The following RINT1 variants were observed in gnomAD, a reference collection of about 807,000 sequenced individuals.
RINT1 encodes RAD50-interacting protein 1.
A neutral mutation model predicts 97.7 loss-of-function variants in RINT1; 75 were observed. The observed-to-expected ratio is 0.77, with a 90% CI of 0.64 to 0.93. The LOEUF is 0.93. RINT1 is among the 40% of genes least tolerant of loss of function. RINT1 has a pLI of 0.00. For missense variants in RINT1, 892 were observed against 925.2 expected, an observed-to-expected ratio of 0.96 and a Z score of 0.47; for synonymous variants, 303 against 326.3, an observed-to-expected ratio of 0.93 and a Z score of 0.77.
intron 3 of RINT1, among the ~76,000 whole-genome samples, chr7:105,539,417 A>G (rs1790372210): frequency 6.9e-6 from 1 of 144,784 alleles, no homozygotes; most frequent in Admixed American, 7.1e-5. Flanking sequence ...CTGGAGTGCA[A>G]TGGCACAATC....
intron 11 of RINT1, among the ~76,000 whole-genome samples, chr7:105,562,514 C>T (rs2133456209): frequency 6.6e-6 from 1 of 152,256 alleles, no homozygotes; most frequent in African/African-American, 2.4e-5. Flanking sequence ...CCATGCCTAG[C>T]CTTTCAAACT....
intron 11 of RINT1, 169 bp downstream of exon 11, chr7:105,555,396 C>T (rs1791137577): frequency 1.7e-5 from 9 of 529,172 alleles, no homozygotes; most frequent in Non-Finnish European, 2.9e-5. Context: ...AATCAAATCT[C>T]AAGTAGTTAA....
At position 105,563,924 on chromosome 7, in the gene RINT1, T is replaced by C. The variant is rs759484807; in HGVS notation, c.1863T>C (p.Ala621=). ...ACGTTTTTAGAGAAGTTAAAGATGC[T>C]GCAAAATTGTATAAAAAAGAAAGGT... ...VDHVFREVKD[A]AKLYKKERWL... is the part of the protein sequence containing the mutation. Residue 621 remains alanine (A), a synonymous_variant, in exon 12 of 15, where the codon GCT becomes GCC. Coordinates refer to ENST00000257700, the MANE Select transcript of RINT1 (RefSeq NM_021930.6). 30 of 1,613,862 alleles carry C rather than the reference T, an allele frequency of 1.9e-5. No individual in the cohort carries two copies. In the Admixed American group the frequency reaches 3.0e-4, roughly 16 times the overall value.
intron 11 of RINT1, among the ~76,000 whole-genome samples, chr7:105,561,747 A>C (rs968329703): frequency 6.6e-5 from 10 of 151,892 alleles, no homozygotes; most frequent in African/African-American, 2.4e-4. Context: ...TTTTTAGTAG[A>C]GATGGCATTT....
rs752766479 is a variant in RINT1 at position 105,565,632 on chromosome 7, G to C, written c.2170G>C (p.Glu724Gln). ...PLFSHYCKRPENYFKHIKEAC... is the reference protein window; with the variant it reads ...PLFSHYCKRPQNYFKHIKEAC... ...GTTTTCTCACTATTGCAAGAGACCAGAAAATTATTTTAAACAGTAAGCTCA... is the reference window on the plus strand; with the variant it reads ...GTTTTCTCACTATTGCAAGAGACCACAAAATTATTTTAAACAGTAAGCTCA... The change falls in exon 14 of 15, where the codon GAA (glutamate) becomes CAA (glutamine). Residue 724 changes from glutamate (E) to glutamine (Q), a missense_variant. By Grantham distance (29) the Glu-to-Gln change is conservative (BLOSUM62 2). Coordinates refer to ENST00000257700, the MANE Select transcript of RINT1 (RefSeq NM_021930.6). 9 of 1,604,128 alleles carry C rather than the reference G, an allele frequency of 5.6e-6. No individual in the cohort carries two copies. The highest frequency in any genetic ancestry group is 8.5e-7 in the Non-Finnish European group (1 of 1,172,076).
At chr7:105,559,820 G>A (rs1462346028) in intron 11 of RINT1, among the ~76,000 whole-genome samples, 1 of 152,224 alleles carries the variant, frequency 6.6e-6, no homozygotes, top group Non-Finnish European at 1.5e-5. Flanking sequence ...TACTGTATAA[G>A]TAAAAATTAT....
rs761242677 is a variant in RINT1 at position 105,532,210 on chromosome 7, A to G, written c.-106A>G. ...TCGAGAGGAAGTCGCTGTGGCACTC[A>G]GTCCTACGGCCTCCGAGGCTGGGTA... On this transcript the variant is annotated 5_prime_UTR_variant, in exon 1 of 15. Transcript: ENST00000257700. 23 of 1,256,812 alleles carry G rather than the reference A, an allele frequency of 1.8e-5. No homozygotes were observed. The highest frequency in any genetic ancestry group is 3.0e-5 in the African/African-American group (2 of 67,010). The allele number at this position is 1,256,812 out of a possible 1,614,324, so 77.9% of individuals were successfully genotyped here.
chr7:105,565,553 T>C lies in RINT1; in HGVS notation c.2091T>C (p.Asn697=), dbSNP rs1791682774. 1 of 1,613,752 alleles carries C rather than the reference T, an allele frequency of 6.2e-7. No homozygotes were observed. Among genetic ancestry groups the C allele is most frequent in the African/African-American group, 1.3e-5 (1 of 74,926 alleles). ...AGATAATTCTTGCTAATCACTTCAATGAAGGAGGAGCAGCCCAGCTGCAGT... is the reference window on the plus strand; with the variant it reads ...AGATAATTCTTGCTAATCACTTCAACGAAGGAGGAGCAGCCCAGCTGCAGT... ...YQEIILANHF[N]EGGAAQLQFD... Residue 697 remains asparagine, a synonymous_variant, in exon 14 of 15, where the codon AAT becomes AAC. Coordinates refer to ENST00000257700, the MANE Select transcript of RINT1 (RefSeq NM_021930.6).
At chr7:105,561,785 C>G (rs1319839828) in intron 11 of RINT1, among the ~76,000 whole-genome samples, 1 of 152,070 alleles carries the variant, frequency 6.6e-6, no homozygotes, top group Non-Finnish European at 1.5e-5. Flanking sequence ...TGGTCTCAAA[C>G]TCCTGACCTC....
chr7:105,533,710 A>T (rs1790121133), intron 2 of RINT1, among the ~76,000 whole-genome samples: 1 of 152,160 alleles, frequency 6.6e-6, no homozygotes, highest in African/African-American at 2.4e-5. Flanking sequence ...ATAGCACATG[A>T]CTGTCATAAC....
chr7:105,541,170 G>A (rs1790442114), intron 3 of RINT1, among the ~76,000 whole-genome samples: 1 of 150,500 alleles, frequency 6.6e-6, no homozygotes, highest in Non-Finnish European at 1.5e-5. Flanking sequence ...GAGGAGTCTT[G>A]CTCTGTCACC....
intron 4 of RINT1, 59 bp from the exon 5 acceptor site, chr7:105,546,851 G>A: frequency 7.7e-7 from 1 of 1,299,598 alleles, no homozygotes; most frequent in Non-Finnish European, 1.1e-6. Flanking sequence ...CTCCAACCTG[G>A]GCAACAGAGT....
intron 10 of RINT1, among the ~76,000 whole-genome samples, chr7:105,553,019 CA>C (rs1253583505): frequency 2.0e-5 from 3 of 151,722 alleles, no homozygotes; most frequent in African/African-American, 7.3e-5. Flanking sequence ...AATACTAAGA[CA>C]AAAAAATTAA....
In RINT1 at chr7:105,553,441, C is replaced by T. The variant is rs1415812896; in HGVS notation, c.1472-1587C>T. 5.3e-5 allele frequency among the ~76,000 whole-genome samples: 8 copies of T among 151,124 alleles called. No individual in the cohort carries two copies. In the East Asian group the frequency reaches 1.6e-3, roughly 31 times the overall value. Reference sequence around the variant, plus strand: ...AATACAAAAATTTACAGGCAGTTGGCCAGGCACGGTGGCTCACACCTGTAA... The same window carrying T: ...AATACAAAAATTTACAGGCAGTTGGTCAGGCACGGTGGCTCACACCTGTAA... On this transcript the variant is annotated intron_variant, in intron 10 of 14. Coordinates refer to ENST00000257700, the MANE Select transcript of RINT1 (RefSeq NM_021930.6).
intron 10 of RINT1, among the ~76,000 whole-genome samples, chr7:105,553,759 C>T (rs1167008901): frequency 3.2e-4 from 48 of 150,336 alleles, no homozygotes; most frequent in Admixed American, 1.1e-3. Context: ...CTCGCTCTGT[C>T]GCCCAGGCTG....
At chr7:105,564,736 C>A (rs144380555) in intron 12 of RINT1, among the ~76,000 whole-genome samples, 1 of 152,294 alleles carries the variant, frequency 6.6e-6, no homozygotes, top group African/African-American at 2.4e-5. Context: ...TGCAGTGGCT[C>A]ACACCTGTAA....
intron 12 of RINT1, 199 bp from the exon 13 acceptor site, chr7:105,565,078 C>T: frequency 2.4e-6 from 1 of 425,120 alleles, no homozygotes; most frequent in Non-Finnish European, 4.1e-6. Flanking sequence ...TGGATATATC[C>T]CCATATTAAA....
intron 2 of RINT1, among the ~76,000 whole-genome samples, chr7:105,534,470 A>C (rs1245207689): frequency 1.3e-5 from 2 of 152,006 alleles, no homozygotes; most frequent in African/African-American, 4.8e-5. Context: ...CTGCAGATAC[A>C]CCACACAAAT....
At chr7:105,544,555 C>T (rs1462673821) in intron 4 of RINT1, among the ~76,000 whole-genome samples, 2 of 152,088 alleles carry the variant, frequency 1.3e-5, no homozygotes, top group African/African-American at 2.4e-5. Context: ...CTGCCTTGGC[C>T]TCCCGAGTAG....
Sources: gnomAD v4.1 joint callset for allele counts (sites outside exome capture counted in the v4.1 genomes callset) on GRCh38, gnomAD v4.1.1 for gene constraint, MANE v1.5 for transcripts, NCBI Gene and HGNC (gene_info 2026-07-23, HGNC 2026-07-21) for gene names.